Variants in SLC8A1 observed in about 807,000 individuals in gnomAD.
SLC8A1 encodes solute carrier family 8 member A1, also known as sodium/calcium exchanger 1.
Under a neutral mutation model 68.3 loss-of-function variants are expected in SLC8A1, and 18 were observed. The ratio of observed to expected loss-of-function variants is 0.26; its 90% CI spans 0.18 to 0.39. SLC8A1 has a LOEUF of 0.39. Among genes scored for constraint, SLC8A1 ranks in the 10% least tolerant of loss-of-function variants. SLC8A1 has a pLI of 1.00. For synonymous variants in SLC8A1, 475 were observed against 415.5 expected (o/e 1.14, Z -1.74); for missense variants, 985 against 1,156.7 (o/e 0.85, Z 2.15).
intron 2 of SLC8A1, among the ~76,000 whole-genome samples, chr2:40,280,013 C>G (rs981458890): frequency 6.6e-6 from 1 of 152,064 alleles, no homozygotes; most frequent in Admixed American, 6.5e-5. Context: ...CATGTAGATA[C>G]AGCATTTGTA....
At chr2:40,215,732 G>A (rs1475641168) in intron 2 of SLC8A1, among the ~76,000 whole-genome samples, 1 of 150,642 alleles carries the variant, frequency 6.6e-6, no homozygotes, top group Non-Finnish European at 1.5e-5. Context: ...CTGGCTTCAA[G>A]CAATCCTCCT....
intron 1 of SLC8A1, among the ~76,000 whole-genome samples, chr2:40,449,014 A>G (rs1223011146): frequency 2.0e-5 from 3 of 152,050 alleles, no homozygotes; most frequent in East Asian, 3.9e-4. Context: ...CTTTTTCCAG[A>G]TCTAATTTAT....
At chr2:40,196,835 A>T (rs182898296) in intron 2 of SLC8A1, among the ~76,000 whole-genome samples, 16 of 152,170 alleles carry the variant, frequency 1.1e-4, no homozygotes, top group Admixed American at 3.3e-4. Flanking sequence ...AGCAAAAGGT[A>T]GTTCTTTGTG....
intron 2 of SLC8A1, among the ~76,000 whole-genome samples, chr2:40,233,937 T>C (rs1203889286): frequency 6.6e-6 from 1 of 152,024 alleles, no homozygotes; most frequent in Non-Finnish European, 1.5e-5. Context: ...GAGGGCTCTG[T>C]TCTGTTCCAT....
intron 1 of SLC8A1, among the ~76,000 whole-genome samples, chr2:40,475,860 C>G (rs529204968): frequency 1.3e-5 from 2 of 152,128 alleles, no homozygotes; most frequent in African/African-American, 4.8e-5. Context: ...CTAGATTCTC[C>G]TATTTTCAGT....
intron 2 of SLC8A1, among the ~76,000 whole-genome samples, chr2:40,203,511 G>A (rs2054804265): frequency 6.6e-6 from 1 of 151,962 alleles, no homozygotes; most frequent in Non-Finnish European, 1.5e-5. Context: ...ATGCCATTCT[G>A]TAATATGCCT....
At chr2:40,358,751 T>C (rs1673558127) in intron 2 of SLC8A1, among the ~76,000 whole-genome samples, 1 of 152,164 alleles carries the variant, frequency 6.6e-6, no homozygotes, top group Admixed American at 6.6e-5. Context: ...CAGGCAAGAC[T>C]CCTACTCTCA....
At chr2:40,391,097 T>C (rs1234118097) in intron 2 of SLC8A1, among the ~76,000 whole-genome samples, 1 of 151,510 alleles carries the variant, frequency 6.6e-6, no homozygotes, top group East Asian at 1.9e-4. Flanking sequence ...TCTTAAAGTA[T>C]GCTTCTCTAC....
exon 2 of SLC8A1, chr2:40,430,246 G>T: frequency 1.2e-6 from 2 of 1,613,252 alleles, no homozygotes; most frequent in Non-Finnish European, 1.7e-6. Flanking sequence ...CATTGAAAAG[G>T]TGGGTGAAAG....
chr2:40,181,846 C>T (rs150328230), intron 2 of SLC8A1, among the ~76,000 whole-genome samples: 210 of 152,334 alleles, frequency 1.4e-3, no homozygotes, highest in Admixed American at 2.2e-3. Flanking sequence ...CTCCTTTTCA[C>T]CTTCCAGAGC....
intron 2 of SLC8A1, among the ~76,000 whole-genome samples, chr2:40,361,475 T>G (rs1161579987): frequency 1.3e-5 from 2 of 151,190 alleles, no homozygotes; most frequent in East Asian, 1.9e-4. Context: ...TTTTTTTTTT[T>G]TTGTTTTGGA....
chr2:40,507,104 T>C (rs1456094325), intron 1 of SLC8A1, among the ~76,000 whole-genome samples: 2 of 152,024 alleles, frequency 1.3e-5, no homozygotes, highest in Non-Finnish European at 2.9e-5. Context: ...GGATTTCTTA[T>C]TGTTCATTTT....
upstream of SLC8A1, among the ~76,000 whole-genome samples, chr2:40,454,274 A>G (rs1702856703): frequency 6.6e-6 from 1 of 152,216 alleles, no homozygotes; most frequent in Admixed American, 6.5e-5. Flanking sequence ...TGAAGGAACC[A>G]AGAGAAAGCT....
chr2:40,440,451 T>C (rs1437403713), intron 1 of SLC8A1, among the ~76,000 whole-genome samples: 1 of 152,168 alleles, frequency 6.6e-6, no homozygotes, highest in Non-Finnish European at 1.5e-5. Context: ...TTTTCATCAA[T>C]ATCAATGATT....
At position 40,309,578 on chromosome 2, in the gene SLC8A1, C is replaced by A. The variant is rs943930851; in HGVS notation, c.1808+118895G>T. Among the ~76,000 whole-genome samples, 7 of 143,176 alleles carry A rather than the reference C, an allele frequency of 4.9e-5. No homozygotes were observed. The South Asian group carries it at 1.5e-3, about 32-fold the overall frequency. The allele number at this position is 143,176 out of a possible 152,430, so 93.9% of individuals were successfully genotyped here. A position where few individuals can be genotyped will look rare whatever the true frequency, so the allele number is the denominator to read the frequency against. ...CTGGAGTGCAATGGTGCAATCTTGG[C>A]TGACCATAATTTCTGCTCCCAGGTT... On this transcript the variant is annotated intron_variant, in intron 2 of 7. Transcript: ENST00000406785.
rs1333031847 is a variant in SLC8A1, at chr2:40,404,497, G to A, written c.1808+23976C>T. ...GTTTTATGCAACAGCTATCAAATAT[G>A]TAAAATTCAATATCCCAAGAGTTTG... On this transcript the variant is annotated intron_variant, in intron 2 of 7. Coordinates refer to ENST00000406785, the Ensembl canonical transcript of SLC8A1. Among the ~76,000 whole-genome samples, 7 of 152,104 alleles carry A rather than the reference G, an allele frequency of 4.6e-5. No individual in the cohort carries two copies. The South Asian group carries it at 1.4e-3, about 31-fold the overall frequency.
At chr2:40,347,984 T>C (rs11886400) in intron 2 of SLC8A1, among the ~76,000 whole-genome samples, 21,530 of 152,226 alleles carry the variant, frequency 0.14, 1,799 homozygotes, top group African/African-American at 0.22. Context: ...AAAAGCATAT[T>C]CTCAGGTTTT....
chr2:40,368,173 T>C (rs1351928068), intron 2 of SLC8A1, among the ~76,000 whole-genome samples: 3 of 152,078 alleles, frequency 2.0e-5, no homozygotes, highest in Non-Finnish European at 2.9e-5. Flanking sequence ...ACACTTTTTC[T>C]AAGGACCACT....
chr2:40,324,952 C>T (rs2075642804), intron 2 of SLC8A1, among the ~76,000 whole-genome samples: 1 of 151,984 alleles, frequency 6.6e-6, no homozygotes, highest in Non-Finnish European at 1.5e-5. Flanking sequence ...GAGATATGGC[C>T]CTGGATCTCT....
Sources: allele counts gnomAD v4.1 joint callset (sites outside exome capture counted in the v4.1 genomes callset), GRCh38; gene constraint gnomAD v4.1.1; transcripts MANE v1.5; gene names NCBI Gene and HGNC (gene_info 2026-07-23, HGNC 2026-07-21).